EYS: variants seen among roughly 807,000 people sequenced by gnomAD.
EYS encodes the protein EGF-like photoreceptor maintenance factor, also known as protein eyes shut homolog.
A neutral mutation model predicts 282.1 loss-of-function variants in EYS; 250 were observed. The observed-to-expected ratio is 0.89, with a 90% CI of 0.80 to 0.98. The LOEUF (loss-of-function observed/expected upper bound fraction) is 0.98, where lower values mean the gene tolerates loss of function less well. Ranked by LOEUF, EYS falls within the 50% of genes least tolerant of loss-of-function variation. EYS has a pLI of 0.00. For synonymous variants in EYS, 1,355 were observed against 1,282.9 expected (o/e 1.06, Z -1.20); for missense variants, 4,016 against 3,709.0 (o/e 1.08, Z -2.15).
intron 5 of EYS, among the ~76,000 whole-genome samples, chr6:65,425,487 TTTAA>T (rs1767625061): frequency 6.6e-6 from 1 of 152,018 alleles, no homozygotes; most frequent in Non-Finnish European, 1.5e-5. Flanking sequence ...GAGTAGGTAA[TTTAA>T]TTGTTTTTGC....
At chr6:64,301,562 C>T (rs1769235648) in intron 30 of EYS, among the ~76,000 whole-genome samples, 1 of 152,204 alleles carries the variant, frequency 6.6e-6, no homozygotes, top group African/African-American at 2.4e-5. Flanking sequence ...TATATTCAGG[C>T]TTCAGACAAT....
In EYS at chr6:65,548,772, C is replaced by T. The variant is rs532183768; in HGVS notation, c.-332-52779G>A. ...ATTAAACCCACCCTATGAAGCCCTG[C>T]TTCAGCATTCTCTGGATACAAATAC... is the stretch of plus-strand genomic sequence containing the variant. On this transcript the variant is annotated intron_variant, in intron 2 of 42. Transcript: ENST00000503581. Among the ~76,000 whole-genome samples the T allele has an allele frequency of 5.9e-5, 9 of 152,312 alleles. No individual in the cohort carries two copies. The East Asian group carries it at 1.5e-3, about 26-fold the overall frequency.
At chr6:64,472,495 A>G (rs1306840394) in intron 26 of EYS, among the ~76,000 whole-genome samples, 1 of 152,208 alleles carries the variant, frequency 6.6e-6, no homozygotes, top group Non-Finnish European at 1.5e-5. Flanking sequence ...CTTGAAAGAT[A>G]CATATTTGGC....
chr6:64,576,709 T>G lies in EYS; in HGVS notation c.5644+13514A>C, dbSNP rs181919748. ...AAAAATAGTTTCTTATTTAAGAAAA[T>G]TACTAAATTATGAAGAATATAAGCA... On this transcript the variant is annotated intron_variant, in intron 26 of 42. Transcript: ENST00000503581. 4.6e-5 allele frequency among the ~76,000 whole-genome samples: 7 copies of G among 152,214 alleles called. No individual in the cohort carries two copies. In the East Asian group the frequency reaches 1.4e-3, roughly 29 times the overall value.
intron 26 of EYS, among the ~76,000 whole-genome samples, chr6:64,540,735 C>T (rs990807704): frequency 2.0e-5 from 3 of 152,090 alleles, no homozygotes; most frequent in African/African-American, 4.8e-5. Flanking sequence ...CCACACGCCT[C>T]GGCCTCCCAA....
Position 64,705,839 on chromosome 6 carries a change from G to A in EYS, c.3444-79594C>T, listed in dbSNP as rs1486985953. On this transcript the variant is annotated intron_variant, in intron 22 of 42. Coordinates refer to ENST00000503581, the MANE Select transcript of EYS (RefSeq NM_001142800.2). ...CTGGGGACTGTTGTGGGGTGGGAGG[G>A]AGGGGGGAGGGGGGAGGGATAGCAT... Among the ~76,000 whole-genome samples, 8 of 110,122 alleles carry A rather than the reference G, an allele frequency of 7.3e-5. No individual in the cohort carries two copies. In the East Asian group the frequency reaches 1.1e-3, roughly 15 times the overall value. 72.2% of individuals were successfully genotyped at this position (110,122 alleles called of 152,430 possible).
chr6:63,863,624 A>G (rs1772590075), intron 36 of EYS, among the ~76,000 whole-genome samples: 1 of 150,130 alleles, frequency 6.7e-6, no homozygotes, highest in African/African-American at 2.5e-5. Flanking sequence ...ACCTCAGGGA[A>G]AACTCATTAC....
chr6:65,085,648 T>A (rs1320883801), intron 12 of EYS, among the ~76,000 whole-genome samples: 3 of 152,134 alleles, frequency 2.0e-5, no homozygotes, highest in Non-Finnish European at 2.9e-5. Flanking sequence ...TGATCTAAAT[T>A]GTTTGATGAC....
At chr6:63,974,166 A>G (rs1766720622) in intron 35 of EYS, among the ~76,000 whole-genome samples, 1 of 152,110 alleles carries the variant, frequency 6.6e-6, no homozygotes, top group Non-Finnish European at 1.5e-5. Flanking sequence ...CAATTTTAAC[A>G]GTGGCATGTT....
At chr6:64,439,112 T>C (rs1471871957) in intron 27 of EYS, 50 bp downstream of exon 27, 1 of 1,044,526 alleles carries the variant, frequency 9.6e-7, no homozygotes, top group Non-Finnish European at 1.3e-6. Context: ...AAGCACATAA[T>C]TAGAACAACT....
intron 33 of EYS, among the ~76,000 whole-genome samples, chr6:64,000,559 A>T (rs1005105429): frequency 1.2e-4 from 18 of 152,060 alleles, no homozygotes; most frequent in Non-Finnish European, 2.4e-4. Context: ...TGGTCATTTT[A>T]TTTTTAAAAC....
chr6:64,685,200 A>T (rs1156516206), intron 22 of EYS, among the ~76,000 whole-genome samples: 10 of 152,184 alleles, frequency 6.6e-5, no homozygotes, highest in Non-Finnish European at 7.4e-5. Context: ...CATAATGGCA[A>T]AAGGAAAAAT....
At chr6:64,798,730 C>T (rs1774442754) in intron 22 of EYS, among the ~76,000 whole-genome samples, 2 of 148,872 alleles carry the variant, frequency 1.3e-5, no homozygotes, top group Admixed American at 6.8e-5. Context: ...CCTTCCATAA[C>T]TCTCTTCCCA....
intron 30 of EYS, among the ~76,000 whole-genome samples, chr6:64,274,488 T>TTTTG (rs1768046519): frequency 6.7e-6 from 1 of 148,208 alleles, no homozygotes; most frequent in African/African-American, 2.5e-5. Flanking sequence ...GCCGTTTTTT[T>TTTTG]TTTTTTTTTT....
At chr6:65,619,649 C>A (rs1411868299) in intron 2 of EYS, among the ~76,000 whole-genome samples, 1 of 151,698 alleles carries the variant, frequency 6.6e-6, no homozygotes, top group Non-Finnish European at 1.5e-5. Flanking sequence ...AAAGGGAATG[C>A]TTCCAGTTTT....
chr6:64,651,041 C>A (rs1370089124), intron 22 of EYS, among the ~76,000 whole-genome samples: 1 of 151,942 alleles, frequency 6.6e-6, no homozygotes, highest in African/African-American at 2.4e-5. Context: ...ATATTGTTAT[C>A]ATGAAGGAGC....
In EYS at chr6:64,818,217, C is replaced by T. The variant is rs1227295387; in HGVS notation, c.3243+3428G>A. On this transcript the variant is annotated intron_variant, in intron 21 of 42. Transcript: ENST00000503581. The stretch of plus-strand genomic sequence containing the variant: ...TTTCTATGCTGCCCTACTCACTTTC[C>T]TTTTCTGTTTGTGTGTGCATATCCA... Among the ~76,000 whole-genome samples the T allele has an allele frequency of 2.0e-5, 3 of 152,142 alleles. No homozygotes were observed. The East Asian group carries it at 5.8e-4, about 29-fold the overall frequency.
chr6:65,055,873 T>C (rs775534020), intron 13 of EYS, among the ~76,000 whole-genome samples: 1 of 152,062 alleles, frequency 6.6e-6, no homozygotes, highest in South Asian at 2.1e-4. Context: ...GTAGCAATTG[T>C]CAGACTTCTC....
intron 5 of EYS, among the ~76,000 whole-genome samples, chr6:65,426,577 G>C (rs1217123776): frequency 6.6e-6 from 1 of 152,054 alleles, no homozygotes; most frequent in African/African-American, 2.4e-5. Flanking sequence ...AAAGTTGCCT[G>C]CTGAATCACC....
Sources: allele counts gnomAD v4.1 joint callset (sites outside exome capture counted in the v4.1 genomes callset), GRCh38; gene constraint gnomAD v4.1.1; transcripts MANE v1.5; gene names NCBI Gene and HGNC (gene_info 2026-07-23, HGNC 2026-07-21).